Variants in SMARCB1 observed in about 807,000 individuals in gnomAD.
The protein encoded by SMARCB1 is SWI/SNF related BAF chromatin remodeling complex subunit B1.
Under a neutral mutation model 49.0 loss-of-function variants are expected in SMARCB1, and 5 were observed. The ratio of observed to expected loss-of-function variants is 0.10; its 90% CI spans 0.05 to 0.21. SMARCB1 has a LOEUF of 0.21. Among genes scored for constraint, SMARCB1 ranks in the 10% least tolerant of loss-of-function variants. The probability of loss-of-function intolerance (pLI) is 1.00; values close to 1 mark genes in which losing one functional copy is unlikely to be tolerated. For synonymous variants in SMARCB1, 201 were observed against 200.1 expected (o/e 1.00, Z -0.04); for missense variants, 226 against 509.2 (o/e 0.44, Z 5.35).
rs1281169965 is a variant in SMARCB1, at chr22:23,834,332, C to T, written c.*152C>T. On this transcript the variant is annotated 3_prime_UTR_variant, in exon 9 of 9. Transcript: ENST00000644036. ...GTGGGGGCTTCCAGGTGGCCCTTCCCGGCACACATTCCATTTGTTGAGCCC... is the reference window on the plus strand; with the variant it reads ...GTGGGGGCTTCCAGGTGGCCCTTCCTGGCACACATTCCATTTGTTGAGCCC... 16 of 808,386 alleles carry T rather than the reference C, an allele frequency of 2.0e-5. No homozygotes were observed. The highest frequency in any genetic ancestry group is 5.8e-5 in the South Asian group (4 of 69,428). The allele number at this position is 808,386 out of a possible 1,614,324, so 50.1% of individuals were successfully genotyped here.
At position 23,834,983 on chromosome 22, in the gene SMARCB1, G is replaced by T; in HGVS notation, c.*803G>T. ...GCACTGCTGGGCTGTCGCCAGCCTG[G>T]GTGCAGGAGGGCTGTTCTAGCTCCA... On this transcript the variant is annotated 3_prime_UTR_variant, in exon 9 of 9. Transcript: ENST00000644036. The T allele has an allele frequency of 6.6e-7, 1 of 1,516,792 alleles. No homozygotes were observed. Among genetic ancestry groups the T allele is most frequent in the Non-Finnish European group, 8.8e-7 (1 of 1,134,994 alleles). The allele number at this position is 1,516,792 out of a possible 1,614,324, so 94.0% of individuals were successfully genotyped here.
intron 3 of SMARCB1, among the ~76,000 whole-genome samples, chr22:23,794,188 C>G (rs545465476): frequency 1.3e-5 from 2 of 152,244 alleles, no homozygotes; most frequent in Non-Finnish European, 1.5e-5. Flanking sequence ...GTGATCCGCC[C>G]GCCTTGGCAT....
intron 5 of SMARCB1, among the ~76,000 whole-genome samples, chr22:23,806,181 G>A (rs1301220151): frequency 6.6e-6 from 1 of 152,220 alleles, no homozygotes; most frequent in African/African-American, 2.4e-5. Context: ...AAGGTTAGCA[G>A]CAGCCTGTGG....
Position 23,836,810 on chromosome 22 carries a change from G to A in SMARCB1, c.*2630G>A, listed in dbSNP as rs2031082734. On this transcript the variant is annotated 3_prime_UTR_variant, in exon 9 of 9. Coordinates refer to ENST00000644036, the MANE Select transcript of SMARCB1 (RefSeq NM_003073.5). ...GGATGGGTTTTTTCTGCCCCAAGTAGGGGTCATGGGTAGGATGGAAGCTGC... is the reference window on the plus strand; with the variant it reads ...GGATGGGTTTTTTCTGCCCCAAGTAAGGGTCATGGGTAGGATGGAAGCTGC... The A allele has an allele frequency of 7.0e-7, 1 of 1,424,184 alleles. No homozygotes were observed. The highest frequency in any genetic ancestry group is 9.2e-7 in the Non-Finnish European group (1 of 1,088,088). 88.2% of individuals were successfully genotyped at this position (1,424,184 alleles called of 1,614,324 possible).
chr22:23,797,870 C>T (rs764691181), intron 3 of SMARCB1, among the ~76,000 whole-genome samples: 24 of 152,048 alleles, frequency 1.6e-4, no homozygotes, highest in African/African-American at 3.9e-4. Flanking sequence ...CCGTCCGCCT[C>T]GGCCTCCCAA....
At chr22:23,791,069 A>G (rs189836620) in intron 1 of SMARCB1, among the ~76,000 whole-genome samples, 41 of 152,284 alleles carry the variant, frequency 2.7e-4, no homozygotes, top group East Asian at 9.7e-4. Context: ...ATCCCCTGCA[A>G]TGTGACTCCG....
intron 4 of SMARCB1, chr22:23,802,072 C>G (rs894965592): frequency 6.5e-6 from 1 of 154,686 alleles, no homozygotes; most frequent in African/African-American, 2.4e-5. Context: ...TCCCTGGGGT[C>G]TCTAGCAGCC....
At chr22:23,817,283 G>A (rs1027047254) in intron 6 of SMARCB1, 6 of 411,930 alleles carry the variant, frequency 1.5e-5, no homozygotes, top group African/African-American at 2.0e-5. Flanking sequence ...CTGCCTTAGT[G>A]GCCATATTAC....
chr22:23,834,777 G>C lies in SMARCB1; in HGVS notation c.*597G>C. 1.3e-6 allele frequency: 2 copies of C among 1,573,264 alleles called. No homozygotes were observed. Among genetic ancestry groups the C allele is most frequent in the Non-Finnish European group, 1.7e-6 (2 of 1,160,856 alleles). ...AGTAGCTGTGAGGCTCAGGGCAAGA[G>C]GCTCTCTGCCTTTCAGGAACAGCCC... On this transcript the variant is annotated 3_prime_UTR_variant, in exon 9 of 9. Transcript: ENST00000644036.
At chr22:23,808,357 G>A (rs555547301) in intron 5 of SMARCB1, among the ~76,000 whole-genome samples, 5 of 152,264 alleles carry the variant, frequency 3.3e-5, no homozygotes, top group African/African-American at 7.2e-5. Context: ...TCCCGACCTC[G>A]TGATCCGCCC....
At chr22:23,832,730 C>T (rs2030720349) in intron 7 of SMARCB1, among the ~76,000 whole-genome samples, 1 of 152,228 alleles carries the variant, frequency 6.6e-6, no homozygotes, top group African/African-American at 2.4e-5. Context: ...GCTGTGGTCT[C>T]CTTAGTGTCC....
chr22:23,802,724 C>G (rs1257187599), intron 4 of SMARCB1: 3 of 202,086 alleles, frequency 1.5e-5, no homozygotes, highest in Non-Finnish European at 3.1e-5. Context: ...GGACTCTTCC[C>G]TCTTTATCTT....
chr22:23,837,447 C>T lies in SMARCB1; in HGVS notation c.*3267C>T. The stretch of plus-strand genomic sequence containing the variant: ...CTCACTCCCATCAGGACCGTGCAAG[C>T]ATCAGTAGATCCGTCCTGACGATGC... On this transcript the variant is annotated 3_prime_UTR_variant, in exon 9 of 9. Coordinates refer to ENST00000644036, the MANE Select transcript of SMARCB1 (RefSeq NM_003073.5). 1 of 653,366 alleles carries T rather than the reference C, an allele frequency of 1.5e-6. No homozygotes were observed. The highest frequency in any genetic ancestry group is 1.8e-5 in the African/African-American group (1 of 54,916). 40.5% of individuals were successfully genotyped at this position (653,366 alleles called of 1,614,324 possible). A position where few individuals can be genotyped will look rare whatever the true frequency, so the allele number is the denominator to read the frequency against.
intron 5 of SMARCB1, among the ~76,000 whole-genome samples, chr22:23,808,623 G>A (rs1929669677): frequency 6.6e-6 from 1 of 151,788 alleles, no homozygotes; most frequent in South Asian, 2.1e-4. Flanking sequence ...TTCAAGTACT[G>A]AAAGAAAAGA....
chr22:23,801,171 C>G (rs763928490), intron 4 of SMARCB1, 90 bp downstream of exon 4: 14 of 1,583,714 alleles, frequency 8.8e-6, no homozygotes, highest in Non-Finnish European at 1.1e-5. Flanking sequence ...GAAAAACACT[C>G]TGCTTTGACC....
At chr22:23,829,847 C>T (rs1301066304) in intron 7 of SMARCB1, among the ~76,000 whole-genome samples, 1 of 152,184 alleles carries the variant, frequency 6.6e-6, no homozygotes, top group Non-Finnish European at 1.5e-5. Context: ...CCTAGGTGTC[C>T]ACTCATCCAC....
At position 23,792,243 on chromosome 22, in the gene SMARCB1, C is replaced by T. The variant is rs775588535; in HGVS notation, c.232+349C>T. 3 of 362,362 alleles carry T rather than the reference C, an allele frequency of 8.3e-6. No individual in the cohort carries two copies. In the Admixed American group the frequency reaches 1.1e-4, roughly 14 times the overall value. The allele number at this position is 362,362 out of a possible 1,614,324, so 22.4% of individuals were successfully genotyped here. On this transcript the variant is annotated intron_variant, in intron 2 of 8. Transcript: ENST00000644036. ...TCGCCATAATCATCTTCCATGCAGCCCAAGTGGCGGGTGGTGGTCCCAGCT... is the reference window on the plus strand; with the variant it reads ...TCGCCATAATCATCTTCCATGCAGCTCAAGTGGCGGGTGGTGGTCCCAGCT...
Position 23,816,938 on chromosome 22 carries a change from T to C in SMARCB1, c.795+2T>C, listed in dbSNP as rs1346276040. 6.2e-7 allele frequency: 1 copy of C among 1,613,378 alleles called. No homozygotes were observed. Among genetic ancestry groups the C allele is most frequent in the Admixed American group, 1.7e-5 (1 of 60,012 alleles). Reference sequence around the variant, plus strand: ...TCAGACCAGCGCGTCATCATCAAGGTAGGTGACTTCTCACCCAGCACTGGA... The same window carrying C: ...TCAGACCAGCGCGTCATCATCAAGGCAGGTGACTTCTCACCCAGCACTGGA... On this transcript the variant is annotated splice_donor_variant, in intron 6 of 8. Transcript: ENST00000644036. LOFTEE classifies it high-confidence loss of function.
At chr22:23,803,786 G>C in intron 5 of SMARCB1, 1 of 369,824 alleles carries the variant, frequency 2.7e-6, no homozygotes, top group Non-Finnish European at 5.3e-6. Flanking sequence ...TGCTTCTGCT[G>C]TGTGAGGCTG....
Sources: gnomAD v4.1 joint callset for allele counts (sites outside exome capture counted in the v4.1 genomes callset) on GRCh38, gnomAD v4.1.1 for gene constraint, MANE v1.5 for transcripts, NCBI Gene and HGNC (gene_info 2026-07-23, HGNC 2026-07-21) for gene names.